The following ATF3 variants were observed in gnomAD, a reference collection of about 807,000 sequenced individuals.
ATF3 encodes the protein activating transcription factor 3, also known as cyclic AMP-dependent transcription factor ATF-3.
A neutral mutation model predicts 18.4 loss-of-function variants in ATF3; 10 were observed. The observed-to-expected ratio is 0.54, with a 90% CI of 0.34 to 0.92. The LOEUF (loss-of-function observed/expected upper bound fraction) is 0.92. Among genes scored for constraint, ATF3 ranks in the 40% least tolerant of loss-of-function variants. The probability of loss-of-function intolerance (pLI) is 0.02; values close to 1 mark genes in which losing one functional copy is unlikely to be tolerated. For missense variants in ATF3, 183 were observed against 222.3 expected (o/e 0.82, Z 1.12); for synonymous variants, 78 against 87.9 (o/e 0.89, Z 0.63).
rs532237360 is a variant in ATF3, at chr1:212,578,909, A to G, written c.-5+13426A>G. ...CGATAGGGACAGAGCAGACCCAGGC[A>G]TGGACTCATTCCCAACCACCAGGCT... On this transcript the variant is annotated intron_variant, in intron 1 of 3. Coordinates refer to the ATF3 transcript ENST00000366981. Among the ~76,000 whole-genome samples, 53 of 151,850 alleles carry G rather than the reference A, an allele frequency of 3.5e-4. 1 individual carries two copies. Among genetic ancestry groups the G allele is most frequent in the Admixed American group, 3.3e-3 (50 of 15,250 alleles).
chr1:212,568,373 C>G (rs561865493), intron 1 of ATF3, among the ~76,000 whole-genome samples: 1 of 152,154 alleles, frequency 6.6e-6, no homozygotes, highest in Non-Finnish European at 1.5e-5. Context: ...TATTAAGCCT[C>G]GTCTCTTGAG....
At chr1:212,611,907 A>G (rs1433337659) in intron 1 of ATF3, among the ~76,000 whole-genome samples, 1 of 152,250 alleles carries the variant, frequency 6.6e-6, no homozygotes, top group African/African-American at 2.4e-5. Flanking sequence ...TATGATCAGC[A>G]TAGAAAGTCA....
intron 1 of ATF3, among the ~76,000 whole-genome samples, chr1:212,581,966 C>T (rs1664692627): frequency 6.6e-6 from 1 of 152,192 alleles, no homozygotes; most frequent in South Asian, 2.1e-4. Flanking sequence ...ATAACAAGCA[C>T]ATTGGTTTCT....
At chr1:212,607,401 C>T (rs1654667298), upstream of ATF3, among the ~76,000 whole-genome samples, 1 of 152,256 alleles carries the variant, frequency 6.6e-6, no homozygotes, top group Non-Finnish European at 1.5e-5. Flanking sequence ...AAATAGTCAT[C>T]CACGGGCAGT....
chr1:212,598,257 A>C (rs1217725934), intron 1 of ATF3, among the ~76,000 whole-genome samples: 1 of 152,238 alleles, frequency 6.6e-6, no homozygotes, highest in East Asian at 1.9e-4. Flanking sequence ...TTTGTTGTTT[A>C]TTTATAGCTT....
At chr1:212,577,348 G>A (rs543739234) in intron 1 of ATF3, among the ~76,000 whole-genome samples, 3 of 152,060 alleles carry the variant, frequency 2.0e-5, no homozygotes, top group Non-Finnish European at 4.4e-5. Context: ...ATTATAACAT[G>A]GAATGACTAA....
chr1:212,586,592 C>T (rs1343714846), intron 1 of ATF3, among the ~76,000 whole-genome samples: 1 of 152,114 alleles, frequency 6.6e-6, no homozygotes, highest in Non-Finnish European at 1.5e-5. Context: ...GAGAAAGTGC[C>T]AAAGAACTTC....
At chr1:212,607,580 G>C (rs998656751), upstream of ATF3, among the ~76,000 whole-genome samples, 4 of 152,238 alleles carry the variant, frequency 2.6e-5, no homozygotes, top group Non-Finnish European at 5.9e-5. Context: ...AGGGCAGAGG[G>C]GATTTCTGCT....
chr1:212,597,419 T>TTAGCTATCTATC (rs1553302900), intron 1 of ATF3, among the ~76,000 whole-genome samples: 1 of 150,730 alleles, frequency 6.6e-6, no homozygotes, highest in Non-Finnish European at 1.5e-5. Context: ...TTACATCTAT[T>TTAGCTATCTATC]TATCTATCTA....
chr1:212,606,848 T>C (rs1038222598), upstream of ATF3, among the ~76,000 whole-genome samples: 7 of 151,716 alleles, frequency 4.6e-5, no homozygotes, highest in African/African-American at 1.7e-4. Context: ...ACGCCCGGGG[T>C]TTACCTGCGC....
chr1:212,577,364 G>A (rs970571752), intron 1 of ATF3, among the ~76,000 whole-genome samples: 1 of 152,048 alleles, frequency 6.6e-6, no homozygotes, highest in African/African-American at 2.4e-5. Context: ...ACTAAATCTA[G>A]CTAATTAACG....
chr1:212,594,442 C>G (rs539277737), intron 1 of ATF3, among the ~76,000 whole-genome samples: 1 of 152,238 alleles, frequency 6.6e-6, no homozygotes, highest in South Asian at 2.1e-4. Flanking sequence ...TAACAATTTT[C>G]CAGAGTTGGC....
intron 1 of ATF3, among the ~76,000 whole-genome samples, chr1:212,574,338 A>AT (rs1447045743): frequency 8.6e-5 from 13 of 151,750 alleles, no homozygotes; most frequent in African/African-American, 2.7e-4. Flanking sequence ...ATATTTAATG[A>AT]TTTTTTGTTT....
intron 1 of ATF3, among the ~76,000 whole-genome samples, chr1:212,581,185 G>A (rs1307148908): frequency 6.6e-6 from 1 of 152,232 alleles, no homozygotes; most frequent in Admixed American, 6.5e-5. Flanking sequence ...ACGGTTATGT[G>A]ACTCAGTAAC....
At chr1:212,589,935 T>C (rs1029487690) in intron 1 of ATF3, among the ~76,000 whole-genome samples, 7 of 152,076 alleles carry the variant, frequency 4.6e-5, no homozygotes, top group African/African-American at 9.7e-5. Context: ...TATTTTTTAA[T>C]AGAATACTCA....
chr1:212,619,404 T>C lies in ATF3; in HGVS notation c.395T>C (p.Ile132Thr), dbSNP rs967010475. Residue 132 changes from isoleucine (I) to threonine (T), a missense_variant, in exon 4 of 4, where the codon ATT becomes ACT. Ile to Thr is a moderately conservative substitution (Grantham distance 89). Transcript: ENST00000341491. This position sits in a 1 kb window ranked among gnomAD's most constrained non-coding sequence, Gnocchi z 4.4. ...GTGAATGCTGAACTGAAGGCTCAGA[T>C]TGAGGAGCTCAAGAACGAGAAGCAG... is the stretch of plus-strand genomic sequence containing the variant. ...ESVNAELKAQ[I>T]EELKNEKQHL... The C allele has an allele frequency of 6.2e-7, 1 of 1,614,042 alleles. No homozygotes were observed. The highest frequency in any genetic ancestry group is 1.7e-4 in the Middle Eastern group (1 of 5,976).
intron 1 of ATF3, among the ~76,000 whole-genome samples, chr1:212,600,235 T>TTCCTGAAAAACATCTGTTTGTG (rs1654442872): frequency 6.6e-6 from 1 of 152,186 alleles, no homozygotes; most frequent in African/African-American, 2.4e-5. Context: ...ACCAGCAGTC[T>TTCCTGAAAAACATCTGTTTGTG]TCCTGAAAAA....
intron 1 of ATF3, among the ~76,000 whole-genome samples, chr1:212,568,635 G>A (rs1664425409): frequency 6.6e-6 from 1 of 152,140 alleles, no homozygotes; most frequent in African/African-American, 2.4e-5. Flanking sequence ...AGGATCTGTG[G>A]TCCCATCCCA....
intron 1 of ATF3, among the ~76,000 whole-genome samples, chr1:212,576,725 T>C (rs1316656762): frequency 8.3e-6 from 1 of 120,566 alleles, no homozygotes; most frequent in Admixed American, 8.2e-5. Flanking sequence ...TCTTTTCTTT[T>C]TTTTTTTTTT....
Sources: allele counts gnomAD v4.1 joint callset (sites outside exome capture counted in the v4.1 genomes callset), GRCh38; gene constraint gnomAD v4.1.1; non-coding constraint Gnocchi (gnomAD v3.1); transcripts MANE v1.5; gene names NCBI Gene and HGNC (gene_info 2026-07-23, HGNC 2026-07-21).